Variants in ZNF395 observed in about 807,000 individuals in gnomAD.
ZNF395 encodes zinc finger protein 395, also known as HD gene regulatory region-binding protein 2.
ZNF395 carries 20 observed loss-of-function variants against 57.7 expected under a neutral mutation model. That is an observed-to-expected ratio of 0.35 (90% CI 0.24 to 0.50). ZNF395 has a LOEUF of 0.50. ZNF395 is among the 20% of genes least tolerant of loss of function. The pLI, the probability that ZNF395 is intolerant of heterozygous loss-of-function variation, is 0.97. For synonymous variants in ZNF395, 295 were observed against 275.9 expected, an observed-to-expected ratio of 1.07 and a Z score of -0.69; for missense variants, 606 against 671.2, an observed-to-expected ratio of 0.90 and a Z score of 1.07.
At position 28,353,293 on chromosome 8, in the gene ZNF395, G is replaced by T; in HGVS notation, c.699C>A (p.Pro233=). 1 of 1,607,824 alleles carries T rather than the reference G, an allele frequency of 6.2e-7. No homozygotes were observed. The highest frequency in any genetic ancestry group is 1.1e-5 in the South Asian group (1 of 90,368). ...AATACTTGGGGCTGGCCTGGGGGTGGGGGGGCGAGGGGGTGGAGACACCAC... is the reference window on the plus strand; with the variant it reads ...AATACTTGGGGCTGGCCTGGGGGTGTGGGGGCGAGGGGGTGGAGACACCAC... ...GSSGVSTPSP[P]HPQASPKYLG... Residue 233 remains proline, a synonymous_variant, in exon 5 of 10, where the codon CCC becomes CCA. Coordinates refer to ENST00000344423, the MANE Select transcript of ZNF395 (RefSeq NM_018660.3).
chr8:28,354,226 T>C (rs920195744), intron 4 of ZNF395, among the ~76,000 whole-genome samples: 1 of 152,216 alleles, frequency 6.6e-6, no homozygotes, highest in African/African-American at 2.4e-5. Flanking sequence ...TCAGCAGACA[T>C]GGAGAATCTT....
intron 7 of ZNF395, 136 bp downstream of exon 7, chr8:28,351,359 T>C: frequency 1.1e-6 from 1 of 941,838 alleles, no homozygotes; most frequent in Non-Finnish European, 1.5e-6. Context: ...CGGTTTCCTT[T>C]TGTTTCCTTG....
At chr8:28,366,153 C>T (rs892686405) in intron 1 of ZNF395, among the ~76,000 whole-genome samples, 3 of 152,176 alleles carry the variant, frequency 2.0e-5, no homozygotes, top group African/African-American at 7.2e-5. Flanking sequence ...TTTGCAAAAG[C>T]GTGGGTGCTT....
intron 1 of ZNF395, among the ~76,000 whole-genome samples, chr8:28,373,875 C>T (rs1273142437): frequency 1.3e-5 from 2 of 152,162 alleles, no homozygotes; most frequent in African/African-American, 4.8e-5. Context: ...CAGGCATCCC[C>T]CGTCCCACAG....
rs1801720361 is a variant in ZNF395 at position 28,352,008 on chromosome 8, G to A, written c.921-201C>T. The stretch of plus-strand genomic sequence containing the variant: ...ACATCAACGGGAATTATTTTTCCTG[G>A]CACCTAAGGCTCATTCTCTCCCGGA... On this transcript the variant is annotated intron_variant, in intron 6 of 9. Transcript: ENST00000344423. This position sits in a 1 kb window ranked among gnomAD's most constrained non-coding sequence, Gnocchi z 4.0. Among the ~76,000 whole-genome samples, 1 of 152,170 alleles carries A rather than the reference G, an allele frequency of 6.6e-6. No homozygotes were observed. Among genetic ancestry groups the A allele is most frequent in the Non-Finnish European group, 1.5e-5 (1 of 68,038 alleles).
intron 7 of ZNF395, 25 bp from the exon 8 acceptor site, chr8:28,350,181 C>T (rs771814726): frequency 1.1e-5 from 18 of 1,573,876 alleles, no homozygotes; most frequent in African/African-American, 8.1e-5. Context: ...GGTGTCAGCC[C>T]GGATTCTAGC....
In ZNF395 at chr8:28,351,688, C is replaced by T. The variant is rs773737769; in HGVS notation, c.1040G>A (p.Gly347Glu). The T allele has an allele frequency of 1.9e-6, 3 of 1,611,958 alleles. No homozygotes were observed. The highest frequency in any genetic ancestry group is 1.1e-5 in the South Asian group (1 of 91,086). The change falls in exon 7 of 10, where the codon GGG becomes GAG. Residue 347 changes from glycine (G) to glutamate (E), a missense_variant. Coordinates refer to ENST00000344423, the MANE Select transcript of ZNF395 (RefSeq NM_018660.3). ...GGGAGCTGGCTCGGAGGTGGGAGTC[C>T]CAGGGACTGGGGTGCCTGCGGCAGC... ...AAAAAGTPVPGTPTSEPAPTP... is the reference protein window; with the variant it reads ...AAAAAGTPVPETPTSEPAPTP...
chr8:28,351,286 CA>C, intron 7 of ZNF395: 1 of 513,674 alleles, frequency 1.9e-6, no homozygotes, highest in East Asian at 3.0e-5. Context: ...TCCTAGTAAC[CA>C]CTCATGACAG....
intron 1 of ZNF395, 99 bp from the exon 2 acceptor site, chr8:28,361,281 T>A: frequency 2.0e-6 from 2 of 984,910 alleles, no homozygotes; most frequent in Non-Finnish European, 2.9e-6. Flanking sequence ...ACTTCTAGCA[T>A]CCTTCCCTTT....
intron 1 of ZNF395, among the ~76,000 whole-genome samples, chr8:28,378,294 A>G (rs1036806201): frequency 2.6e-5 from 4 of 152,122 alleles, no homozygotes; most frequent in African/African-American, 9.7e-5. Flanking sequence ...TGCCACAATC[A>G]CGGCTCACTG....
intron 2 of ZNF395, 88 bp downstream of exon 2, chr8:28,360,797 A>G (rs1163707284): frequency 2.0e-6 from 3 of 1,538,172 alleles, no homozygotes; most frequent in African/African-American, 1.4e-5. Flanking sequence ...CGGTGCCCAG[A>G]GAGTTTCCGG....
At chr8:28,361,203 T>A (rs577755386) in intron 1 of ZNF395, 21 bp from the exon 2 acceptor site, 2 of 1,596,252 alleles carry the variant, frequency 1.3e-6, no homozygotes, top group African/African-American at 2.7e-5. Flanking sequence ...CAGGAAGCTT[T>A]CAGGAGGGAG....
intron 4 of ZNF395, among the ~76,000 whole-genome samples, chr8:28,353,697 G>A (rs1801746855): frequency 1.3e-5 from 2 of 151,796 alleles, no homozygotes; most frequent in African/African-American, 4.8e-5. Context: ...TTGCTATGTT[G>A]CCCAGGCCGG....
chr8:28,384,506 T>C (rs1802147074), intron 1 of ZNF395, among the ~76,000 whole-genome samples: 1 of 152,224 alleles, frequency 6.6e-6, no homozygotes, highest in African/African-American at 2.4e-5. Context: ...TCTTGGCGTC[T>C]GATTTCACAT....
At chr8:28,385,306 T>C (rs1585869016) in intron 1 of ZNF395, 1 of 152,274 alleles carries the variant, frequency 6.6e-6, no homozygotes, top group East Asian at 1.9e-4. Flanking sequence ...TCTGAGTCAG[T>C]TCCAAAGTGA....
At chr8:28,371,199 G>C (rs1028744381) in intron 1 of ZNF395, among the ~76,000 whole-genome samples, 2 of 152,134 alleles carry the variant, frequency 1.3e-5, no homozygotes, top group Admixed American at 6.5e-5. Context: ...TGTTTGTTTT[G>C]AGACAGGGTC....
chr8:28,362,351 C>T (rs1801860514), intron 1 of ZNF395, among the ~76,000 whole-genome samples: 1 of 152,228 alleles, frequency 6.6e-6, no homozygotes, highest in Non-Finnish European at 1.5e-5. Flanking sequence ...ACAGAGCACA[C>T]GTGGCTCCTC....
chr8:28,374,793 C>T (rs1445782551), intron 1 of ZNF395, among the ~76,000 whole-genome samples: 1 of 152,224 alleles, frequency 6.6e-6, no homozygotes, highest in Admixed American at 6.5e-5. Context: ...CAACCCAGCA[C>T]TGCAGCACTC....
At chr8:28,384,581 C>T (rs991569499) in intron 1 of ZNF395, among the ~76,000 whole-genome samples, 7 of 152,204 alleles carry the variant, frequency 4.6e-5, no homozygotes, top group African/African-American at 7.2e-5. Flanking sequence ...ATCTCTTACA[C>T]CTTCTGTCTC....
Sources: gnomAD v4.1 joint callset for allele counts (sites outside exome capture counted in the v4.1 genomes callset) on GRCh38, gnomAD v4.1.1 for gene constraint, Gnocchi (gnomAD v3.1) non-coding constraint, MANE v1.5 for transcripts, NCBI Gene and HGNC (gene_info 2026-07-23, HGNC 2026-07-21) for gene names.